STK32B: variants seen among roughly 807,000 people sequenced by gnomAD.
STK32B encodes the protein serine/threonine-protein kinase 32B.
Under a neutral mutation model 52.6 loss-of-function variants are expected in STK32B, and 43 were observed. The ratio of observed to expected loss-of-function variants is 0.82; its 90% CI spans 0.64 to 1.05. The LOEUF (loss-of-function observed/expected upper bound fraction) is 1.05. STK32B is among the 50% of genes least tolerant of loss of function. STK32B has a pLI of 0.00. For synonymous variants in STK32B, 238 were observed against 204.3 expected, an observed-to-expected ratio of 1.17 and a Z score of -1.41; for missense variants, 621 against 534.6, an observed-to-expected ratio of 1.16 and a Z score of -1.59.
chr4:5,251,849 A>C (rs1725956534), intron 3 of STK32B, among the ~76,000 whole-genome samples: 1 of 152,098 alleles, frequency 6.6e-6, no homozygotes, highest in Admixed American at 6.5e-5. Flanking sequence ...GTTTTGTAAC[A>C]TTTGATAATA....
chr4:5,359,628 T>A (rs1314258529), intron 4 of STK32B, among the ~76,000 whole-genome samples: 1 of 151,724 alleles, frequency 6.6e-6, no homozygotes, highest in Non-Finnish European at 1.5e-5. Context: ...CAGGAGGGGG[T>A]CTGTTTTGCT....
intron 4 of STK32B, among the ~76,000 whole-genome samples, chr4:5,376,345 T>C (rs1280257468): frequency 2.0e-5 from 3 of 152,162 alleles, no homozygotes; most frequent in African/African-American, 7.2e-5. Flanking sequence ...GGTGCTCAGA[T>C]AGCACTGAGC....
At chr4:5,332,741 G>T (rs1425721336) in intron 4 of STK32B, among the ~76,000 whole-genome samples, 1 of 152,096 alleles carries the variant, frequency 6.6e-6, no homozygotes, top group Non-Finnish European at 1.5e-5. Flanking sequence ...GTGAGAACAT[G>T]CGGTGTTTGG....
intron 3 of STK32B, among the ~76,000 whole-genome samples, chr4:5,252,582 C>A (rs908682891): frequency 6.6e-6 from 1 of 152,154 alleles, no homozygotes; most frequent in East Asian, 1.9e-4. Context: ...ATCTGTTTTT[C>A]AGCCTGTCCA....
intron 8 of STK32B, among the ~76,000 whole-genome samples, chr4:5,459,474 C>A (rs1177149851): frequency 1.3e-5 from 2 of 152,230 alleles, no homozygotes; most frequent in East Asian, 3.8e-4. Context: ...AGGCCTCTGT[C>A]TTTTCATTCT....
chr4:5,498,538 T>G (rs1720474528), intron 11 of STK32B, among the ~76,000 whole-genome samples: 2 of 152,166 alleles, frequency 1.3e-5, no homozygotes, highest in Admixed American at 1.3e-4. Context: ...GGTACACTCG[T>G]GAGCATTTAA....
intron 11 of STK32B, among the ~76,000 whole-genome samples, chr4:5,483,011 G>T (rs890283802): frequency 2.6e-5 from 4 of 152,124 alleles, no homozygotes; most frequent in African/African-American, 9.7e-5. Context: ...GAGGATTTTT[G>T]CATCAATGTT....
chr4:5,216,382 A>G (rs1723185390), intron 3 of STK32B, among the ~76,000 whole-genome samples: 1 of 152,226 alleles, frequency 6.6e-6, no homozygotes, highest in Admixed American at 6.5e-5. Context: ...CATGGAGCGT[A>G]TGGTCCAGTG....
intron 3 of STK32B, among the ~76,000 whole-genome samples, chr4:5,302,209 TAAA>T (rs202157359): frequency 1.4e-5 from 2 of 138,654 alleles, no homozygotes; most frequent in East Asian, 4.2e-4. Context: ...ACAAAAATTG[TAAA>T]AAAAAAAATC....
At chr4:5,178,236 A>G (rs572879961) in intron 3 of STK32B, among the ~76,000 whole-genome samples, 43 of 152,374 alleles carry the variant, frequency 2.8e-4, no homozygotes, top group African/African-American at 1.0e-3. Flanking sequence ...CATATGCCCA[A>G]CACCACATGT....
chr4:5,398,176 A>G lies in STK32B; in HGVS notation c.435-31A>G. On this transcript the variant is annotated intron_variant, in intron 4 of 11. Coordinates refer to ENST00000282908, the MANE Select transcript of STK32B (RefSeq NM_018401.3). This position sits in a 1 kb window ranked among gnomAD's most constrained non-coding sequence, Gnocchi z 4.9. ...GTGCTCATCTGTGGGCTCAGGAACCACATTGCCAGCTTCTTTGTTTTCTTT... is the reference window on the plus strand; with the variant it reads ...GTGCTCATCTGTGGGCTCAGGAACCGCATTGCCAGCTTCTTTGTTTTCTTT... 1 of 1,613,582 alleles carries G rather than the reference A, an allele frequency of 6.2e-7. No individual in the cohort carries two copies. Among genetic ancestry groups the G allele is most frequent in the Non-Finnish European group, 8.5e-7 (1 of 1,179,802 alleles).
At chr4:5,442,932 C>T (rs1367467035) in intron 6 of STK32B, among the ~76,000 whole-genome samples, 8 of 151,834 alleles carry the variant, frequency 5.3e-5, no homozygotes, top group South Asian at 2.1e-4. Flanking sequence ...GAATATTGGC[C>T]CCCACTCTCT....
At chr4:5,160,393 C>T (rs1266602684) in intron 2 of STK32B, among the ~76,000 whole-genome samples, 1 of 152,148 alleles carries the variant, frequency 6.6e-6, no homozygotes, top group African/African-American at 2.4e-5. Flanking sequence ...TGTGTCAACA[C>T]GTGCCACGGC....
At chr4:5,261,429 G>A (rs1055350408) in intron 3 of STK32B, among the ~76,000 whole-genome samples, 1 of 152,134 alleles carries the variant, frequency 6.6e-6, no homozygotes, top group Non-Finnish European at 1.5e-5. Context: ...TAGCAAAGAT[G>A]GTGGCAATGG....
chr4:5,408,200 C>G (rs1737802511), intron 5 of STK32B, among the ~76,000 whole-genome samples: 1 of 152,076 alleles, frequency 6.6e-6, no homozygotes, highest in Non-Finnish European at 1.5e-5. Flanking sequence ...TAGGACTAAT[C>G]CTTCTGGTAT....
intron 3 of STK32B, among the ~76,000 whole-genome samples, chr4:5,328,240 A>G (rs546492655): frequency 3.9e-5 from 6 of 152,322 alleles, no homozygotes; most frequent in Admixed American, 2.0e-4. Flanking sequence ...CATGTCTTAC[A>G]TGCGTTCATT....
In STK32B at chr4:5,399,676, A is replaced by G. The variant is rs1037384796; in HGVS notation, c.472+1432A>G. Among the ~76,000 whole-genome samples the G allele has an allele frequency of 2.6e-5, 4 of 152,162 alleles. No individual in the cohort carries two copies. Among genetic ancestry groups the G allele is most frequent in the Admixed American group, 6.5e-5 (1 of 15,278 alleles). Reference sequence around the variant, plus strand: ...CTCAGCTGAGCCCCCAGCCAGCTGAATGTCCTTGGGCCAGTGGCTGTACCT... The same window carrying G: ...CTCAGCTGAGCCCCCAGCCAGCTGAGTGTCCTTGGGCCAGTGGCTGTACCT... On this transcript the variant is annotated intron_variant, in intron 5 of 11. Coordinates refer to ENST00000282908, the MANE Select transcript of STK32B (RefSeq NM_018401.3). This position sits in a 1 kb window ranked among gnomAD's most constrained non-coding sequence, Gnocchi z 5.4.
chr4:5,150,352 G>GA (rs1364456688), intron 2 of STK32B, among the ~76,000 whole-genome samples: 1 of 152,076 alleles, frequency 6.6e-6, no homozygotes, highest in Admixed American at 6.5e-5. Flanking sequence ...GTCATCATAA[G>GA]ATTCACTTCC....
intron 3 of STK32B, among the ~76,000 whole-genome samples, chr4:5,222,999 T>C (rs1187557859): frequency 6.6e-6 from 1 of 152,064 alleles, no homozygotes; most frequent in Non-Finnish European, 1.5e-5. Flanking sequence ...CAGAGTGGTT[T>C]TGAGGGAGAG....
Sources: allele counts gnomAD v4.1 joint callset (sites outside exome capture counted in the v4.1 genomes callset), GRCh38; gene constraint gnomAD v4.1.1; non-coding constraint Gnocchi (gnomAD v3.1); transcripts MANE v1.5; gene names NCBI Gene and HGNC (gene_info 2026-07-23, HGNC 2026-07-21).